VWA8: variants seen among roughly 807,000 people sequenced by gnomAD.
The protein encoded by VWA8 is von Willebrand factor A domain containing 8.
A neutral mutation model predicts 241.5 loss-of-function variants in VWA8; 221 were observed. The observed-to-expected ratio is 0.91, with a 90% CI of 0.82 to 1.02. The LOEUF is 1.02. Among genes scored for constraint, VWA8 ranks in the 50% least tolerant of loss-of-function variants. VWA8 has a pLI of 0.00. For missense variants in VWA8, 2,322 were observed against 2,328.7 expected (o/e 1.00, Z 0.06); for synonymous variants, 852 against 827.1 (o/e 1.03, Z -0.52).
intron 21 of VWA8, among the ~76,000 whole-genome samples, chr13:41,755,179 A>C (rs2045685584): frequency 6.6e-6 from 1 of 151,992 alleles, no homozygotes; most frequent in African/African-American, 2.4e-5. Flanking sequence ...TTTTTGAGGA[A>C]CCTCCAAACT....
chr13:41,732,030 CTA>C (rs1394806750), intron 22 of VWA8, 48 bp downstream of exon 22: 1 of 1,537,922 alleles, frequency 6.5e-7, no homozygotes, highest in Non-Finnish European at 9.0e-7. Context: ...TGAAATACAA[CTA>C]TGATACAAAA....
chr13:41,922,702 C>T (rs1230896846), intron 2 of VWA8, among the ~76,000 whole-genome samples: 1 of 152,192 alleles, frequency 6.6e-6, no homozygotes, highest in East Asian at 1.9e-4. Context: ...CATCACTGGC[C>T]ATCAGAGAAA....
chr13:41,849,723 C>A (rs997826554), intron 12 of VWA8, among the ~76,000 whole-genome samples: 3 of 152,090 alleles, frequency 2.0e-5, no homozygotes, highest in Admixed American at 6.5e-5. Context: ...CCTGTCTCTA[C>A]TAAAAATACA....
Position 41,585,957 on chromosome 13 carries a change from C to A in VWA8, c.5271+1555G>T, listed in dbSNP as rs139184538. ...ACACTGAAATTCAAGATCCATAAAA[C>A]AGGAGAAGGGACTGATCCAAATATT... On this transcript the variant is annotated intron_variant, in intron 42 of 44. Coordinates refer to ENST00000379310, the MANE Select transcript of VWA8 (RefSeq NM_015058.2). Among the ~76,000 whole-genome samples the A allele has an allele frequency of 4.3e-3, 641 of 148,488 alleles. 5 individuals carry two copies. The highest frequency in any genetic ancestry group is 0.015 in the African/African-American group (616 of 40,444).
At chr13:41,932,533 T>C (rs149037298) in intron 2 of VWA8, among the ~76,000 whole-genome samples, 96 of 152,128 alleles carry the variant, frequency 6.3e-4, no homozygotes, top group Middle Eastern at 3.4e-3. Context: ...ATATCCTTCA[T>C]AGAGATGTAC....
At chr13:41,936,266 A>G (rs578110464) in intron 2 of VWA8, among the ~76,000 whole-genome samples, 9 of 152,218 alleles carry the variant, frequency 5.9e-5, no homozygotes, top group African/African-American at 1.7e-4. Flanking sequence ...TATAATTTCC[A>G]TCTCTCTAGC....
intron 21 of VWA8, 88 bp downstream of exon 21, chr13:41,761,040 C>A: frequency 1.5e-6 from 2 of 1,298,960 alleles, no homozygotes; most frequent in Non-Finnish European, 2.2e-6. Flanking sequence ...ATAAAATGGG[C>A]CTCTAAGAAA....
chr13:41,827,442 G>C (rs1423385658), intron 14 of VWA8, among the ~76,000 whole-genome samples: 1 of 152,118 alleles, frequency 6.6e-6, no homozygotes, highest in Non-Finnish European at 1.5e-5. Context: ...AATACCAAAA[G>C]AAAAACCTGA....
At chr13:41,933,931 A>G (rs1877237814) in intron 2 of VWA8, among the ~76,000 whole-genome samples, 1 of 151,972 alleles carries the variant, frequency 6.6e-6, no homozygotes, top group African/African-American at 2.4e-5. Flanking sequence ...CTTAGGTGAC[A>G]CCAAAAGCAC....
rs941094484 is a variant in VWA8 at position 41,943,948 on chromosome 13, T to C, written c.241+5988A>G. Among the ~76,000 whole-genome samples, 5 of 151,550 alleles carry C rather than the reference T, an allele frequency of 3.3e-5. No homozygotes were observed. The East Asian group carries it at 9.7e-4, about 29-fold the overall frequency. On this transcript the variant is annotated intron_variant, in intron 2 of 44. Transcript: ENST00000379310. ...TAAAACCCTGTCTCTACTAAAAAAA[T>C]ACAAAAATTAGCTAGGCAATGTGGC...
At chr13:41,592,115 A>G (rs9525531) in intron 40 of VWA8, among the ~76,000 whole-genome samples, 126,151 of 144,812 alleles carry the variant, frequency 0.87, 55,593 homozygotes, top group Non-Finnish European at 0.94. Context: ...GCACATATAC[A>G]CCATGGAATA....
intron 9 of VWA8, among the ~76,000 whole-genome samples, chr13:41,879,946 C>A (rs1220729783): frequency 6.6e-6 from 1 of 152,130 alleles, no homozygotes; most frequent in Non-Finnish European, 1.5e-5. Flanking sequence ...AAAACAAAAA[C>A]CATCTTTCAT....
intron 2 of VWA8, among the ~76,000 whole-genome samples, chr13:41,934,328 C>A (rs373376490): frequency 2.0e-5 from 3 of 151,808 alleles, no homozygotes; most frequent in African/African-American, 7.2e-5. Context: ...CAAGAGCTGG[C>A]AAGAATATGG....
intron 35 of VWA8, among the ~76,000 whole-genome samples, chr13:41,682,779 A>G (rs1398422752): frequency 6.6e-6 from 1 of 152,204 alleles, no homozygotes; most frequent in African/African-American, 2.4e-5. Flanking sequence ...CTCGAAACTC[A>G]TTAATAAGAA....
chr13:41,586,690 TG>T (rs2044420501), intron 42 of VWA8, among the ~76,000 whole-genome samples: 1 of 152,218 alleles, frequency 6.6e-6, no homozygotes, highest in Non-Finnish European at 1.5e-5. Flanking sequence ...GCATGTGGGA[TG>T]TCAAGCCTAA....
At chr13:41,629,651 AATG>A (rs557766369) in intron 37 of VWA8, among the ~76,000 whole-genome samples, 161 of 152,292 alleles carry the variant, frequency 1.1e-3, no homozygotes, top group Middle Eastern at 3.4e-3. Flanking sequence ...TTTCCCTAGG[AATG>A]ATGTTTTTTC....
At chr13:41,693,012 C>CTTTT (rs71706492) in intron 29 of VWA8, 40 bp from the exon 30 acceptor site, 1,183 of 1,084,102 alleles carry the variant, frequency 1.1e-3, no homozygotes, top group East Asian at 2.6e-3. Flanking sequence ...AAGATTTGTT[C>CTTTT]TTTTTTTTTT....
chr13:41,758,421 T>TGC (rs370975202), intron 21 of VWA8, among the ~76,000 whole-genome samples: 1 of 64,308 alleles, frequency 1.6e-5, no homozygotes, highest in Non-Finnish European at 3.6e-5. Flanking sequence ...TATATATATA[T>TGC]ATATATATAC....
intron 37 of VWA8, among the ~76,000 whole-genome samples, chr13:41,658,070 G>T (rs2044921655): frequency 6.6e-6 from 1 of 152,180 alleles, no homozygotes; most frequent in South Asian, 2.1e-4. Flanking sequence ...TTTACCAATT[G>T]TAATTTCATC....
Sources: allele counts gnomAD v4.1 joint callset (sites outside exome capture counted in the v4.1 genomes callset), GRCh38; gene constraint gnomAD v4.1.1; transcripts MANE v1.5; gene names NCBI Gene and HGNC (gene_info 2026-07-23, HGNC 2026-07-21).